Variants in HS6ST3 observed in about 807,000 individuals in gnomAD.
The protein encoded by HS6ST3 is heparan sulfate 6-O-sulfotransferase 3, also known as heparan-sulfate 6-O-sulfotransferase 3.
In HS6ST3, 12 loss-of-function variants were observed where a neutral mutation model predicts 36.7. The observed-to-expected ratio is 0.33, with a 90% CI of 0.21 to 0.53. HS6ST3 has a LOEUF of 0.53. Among genes scored for constraint, HS6ST3 ranks in the 20% least tolerant of loss-of-function variants. HS6ST3 has a pLI of 0.95. For missense variants in HS6ST3, 584 were observed against 640.9 expected (o/e 0.91, Z 0.96); for synonymous variants, 240 against 257.5 (o/e 0.93, Z 0.65).
At chr13:96,194,122 C>G (rs940763100) in intron 1 of HS6ST3, among the ~76,000 whole-genome samples, 1 of 152,166 alleles carries the variant, frequency 6.6e-6, no homozygotes, top group African/African-American at 2.4e-5. Flanking sequence ...TCAAAGCCCT[C>G]GTCTCCCTTA....
intron 1 of HS6ST3, among the ~76,000 whole-genome samples, chr13:96,795,036 C>A (rs1877876148): frequency 6.6e-6 from 1 of 151,968 alleles, no homozygotes; most frequent in Admixed American, 6.6e-5. Context: ...TACCTTAGTA[C>A]CCTACTGTCT....
chr13:96,670,909 A>C (rs1251490418), intron 1 of HS6ST3, among the ~76,000 whole-genome samples: 7 of 152,130 alleles, frequency 4.6e-5, no homozygotes. Flanking sequence ...TTGGGGGCCT[A>C]CTGCTGATAT....
At chr13:96,595,194 C>T (rs1183465930) in intron 1 of HS6ST3, among the ~76,000 whole-genome samples, 1 of 152,064 alleles carries the variant, frequency 6.6e-6, no homozygotes, top group African/African-American at 2.4e-5. Flanking sequence ...TACAGGCGTG[C>T]ACCACCGTGC....
intron 1 of HS6ST3, among the ~76,000 whole-genome samples, chr13:96,367,323 T>C (rs2055267978): frequency 6.6e-6 from 1 of 152,192 alleles, no homozygotes; most frequent in African/African-American, 2.4e-5. Flanking sequence ...ATTGAAAAAT[T>C]AACGATAAAA....
intron 1 of HS6ST3, among the ~76,000 whole-genome samples, chr13:96,375,793 A>C (rs2055311783): frequency 6.6e-6 from 1 of 152,206 alleles, no homozygotes; most frequent in Admixed American, 6.5e-5. Flanking sequence ...TTAAAAAGTC[A>C]AATGTTATTG....
intron 1 of HS6ST3, among the ~76,000 whole-genome samples, chr13:96,605,379 G>T (rs2056435064): frequency 6.6e-6 from 1 of 152,028 alleles, no homozygotes; most frequent in South Asian, 2.1e-4. Flanking sequence ...CCATCTTAGA[G>T]GCACACACTT....
chr13:96,596,811 A>C (rs777386544), intron 1 of HS6ST3, among the ~76,000 whole-genome samples: 18 of 152,188 alleles, frequency 1.2e-4, no homozygotes, highest in Admixed American at 9.2e-4. Flanking sequence ...ATACCATTCA[A>C]CCTAGCAATC....
At chr13:96,451,313 A>T (rs2055727115) in intron 1 of HS6ST3, among the ~76,000 whole-genome samples, 1 of 152,138 alleles carries the variant, frequency 6.6e-6, no homozygotes, top group Non-Finnish European at 1.5e-5. Context: ...TTTTATTTTG[A>T]ATTTCCAGTA....
chr13:96,474,738 G>A (rs1344207658), intron 1 of HS6ST3, among the ~76,000 whole-genome samples: 1 of 152,140 alleles, frequency 6.6e-6, no homozygotes, highest in Admixed American at 6.5e-5. Flanking sequence ...GCCCAGGGAG[G>A]CTTGTTCAAC....
intron 1 of HS6ST3, among the ~76,000 whole-genome samples, chr13:96,705,035 G>C (rs996440231): frequency 6.6e-6 from 1 of 152,132 alleles, no homozygotes; most frequent in Non-Finnish European, 1.5e-5. Context: ...ATATACTCCT[G>C]CCCTCCTGTG....
intron 1 of HS6ST3, among the ~76,000 whole-genome samples, chr13:96,293,547 C>CAT (rs1211476047): frequency 6.6e-6 from 1 of 152,080 alleles, no homozygotes; most frequent in Non-Finnish European, 1.5e-5. Context: ...GACATACACA[C>CAT]ATATATATAC....
chr13:96,744,598 A>G (rs1252909604), intron 1 of HS6ST3, among the ~76,000 whole-genome samples: 2 of 152,100 alleles, frequency 1.3e-5, no homozygotes, highest in African/African-American at 4.8e-5. Context: ...TCAGTTGGAA[A>G]GGAGCAGCTT....
intron 1 of HS6ST3, among the ~76,000 whole-genome samples, chr13:96,423,896 T>C (rs982283941): frequency 6.6e-6 from 1 of 152,296 alleles, no homozygotes; most frequent in African/African-American, 2.4e-5. Flanking sequence ...CCTGTGGGTT[T>C]CCAACTTGTT....
intron 1 of HS6ST3, among the ~76,000 whole-genome samples, chr13:96,667,303 C>A (rs1478264520): frequency 6.6e-6 from 1 of 152,166 alleles, no homozygotes; most frequent in Non-Finnish European, 1.5e-5. Flanking sequence ...CAATTAAACT[C>A]TTGCATTAAA....
At chr13:96,185,031 A>G (rs978463993) in intron 1 of HS6ST3, among the ~76,000 whole-genome samples, 2 of 152,250 alleles carry the variant, frequency 1.3e-5, no homozygotes, top group East Asian at 3.9e-4. Flanking sequence ...GACATACTAC[A>G]GAATTCATCA....
Position 96,805,525 on chromosome 13 carries a change from A to G in HS6ST3, c.708-26965A>G, listed in dbSNP as rs149472008. ...AGTGATTACAATGATGATGACGACA[A>G]TGACAGTCATGATGAGACAAATAGC... On this transcript the variant is annotated intron_variant, in intron 1 of 1. Coordinates refer to ENST00000376705, the MANE Select transcript of HS6ST3 (RefSeq NM_153456.4). Among the ~76,000 whole-genome samples the G allele has an allele frequency of 6.6e-4, 100 of 152,336 alleles. 2 individuals carry two copies. In the East Asian group the frequency reaches 0.018, roughly 28 times the overall value.
intron 1 of HS6ST3, among the ~76,000 whole-genome samples, chr13:96,664,697 A>G (rs537048418): frequency 2.0e-5 from 3 of 152,258 alleles, no homozygotes; most frequent in South Asian, 2.1e-4. Context: ...CTATCTTTCC[A>G]TCTTCTTTCC....
chr13:96,829,009 G>A (rs939534889), intron 1 of HS6ST3, among the ~76,000 whole-genome samples: 9 of 152,270 alleles, frequency 5.9e-5, no homozygotes, highest in Middle Eastern at 3.4e-3. Context: ...TTGGGAATTA[G>A]GAATGTGTTC....
At chr13:96,656,998 T>TGTGAGAGAGAGAGAGA (rs1397374817) in intron 1 of HS6ST3, among the ~76,000 whole-genome samples, 8 of 98,274 alleles carry the variant, frequency 8.1e-5, no homozygotes, top group African/African-American at 3.4e-4. Context: ...TGTGTGTGTG[T>TGTGAGAGAGAGAGAGA]GAGAGAGAGA....
Sources: allele counts gnomAD v4.1 joint callset (sites outside exome capture counted in the v4.1 genomes callset), GRCh38; gene constraint gnomAD v4.1.1; transcripts MANE v1.5; gene names NCBI Gene and HGNC (gene_info 2026-07-23, HGNC 2026-07-21).